The following STRN3 variants were observed in gnomAD, a reference collection of about 807,000 sequenced individuals.
STRN3 encodes striatin 3, also known as striatin-3.
Under a neutral mutation model 95.6 loss-of-function variants are expected in STRN3, and 29 were observed. That is an observed-to-expected ratio of 0.30 (90% CI 0.23 to 0.41). STRN3 has a LOEUF of 0.41. Ranked by LOEUF, STRN3 falls within the 10% of genes least tolerant of loss-of-function variation. The pLI is 1.00. For synonymous variants in STRN3, 331 were observed against 357.6 expected (o/e 0.93, Z 0.84); for missense variants, 890 against 972.1 (o/e 0.92, Z 1.12).
At chr14:31,001,459 C>T (rs1421625672) in intron 1 of STRN3, among the ~76,000 whole-genome samples, 1 of 151,726 alleles carries the variant, frequency 6.6e-6, no homozygotes, top group African/African-American at 2.4e-5. Context: ...TCACTTGAGC[C>T]CAGAAGATCA....
chr14:30,944,608 C>CAT lies in STRN3; in HGVS notation c.716+2480_716+2481dup, dbSNP rs1029178509. On this transcript the variant is annotated intron_variant, in intron 5 of 17. Transcript: ENST00000357479. ...ACACGCACATACATATATATATACA[C>CAT]ATATATATACACATTTTTTTTTTTT... is the stretch of plus-strand genomic sequence containing the variant. Among the ~76,000 whole-genome samples, 25 of 129,430 alleles carry CAT rather than the reference C, an allele frequency of 1.9e-4. 1 individual carries two copies. The South Asian group carries it at 6.1e-3, about 31-fold the overall frequency. The allele number at this position is 129,430 out of a possible 152,430, so 84.9% of individuals were successfully genotyped here.
chr14:30,962,400 A>G (rs1045590859), intron 1 of STRN3, among the ~76,000 whole-genome samples: 1 of 152,220 alleles, frequency 6.6e-6, no homozygotes, highest in Non-Finnish European at 1.5e-5. Flanking sequence ...CTAAGTATAC[A>G]GTGTTTATAC....
At chr14:30,958,790 C>T (rs1053321393) in intron 1 of STRN3, among the ~76,000 whole-genome samples, 1 of 152,104 alleles carries the variant, frequency 6.6e-6, no homozygotes, top group African/African-American at 2.4e-5. Context: ...AAAGACAACC[C>T]AGCAGCAGTA....
intron 1 of STRN3, among the ~76,000 whole-genome samples, chr14:30,995,823 C>T (rs188767272): frequency 6.6e-6 from 1 of 152,284 alleles, no homozygotes; most frequent in East Asian, 1.9e-4. Flanking sequence ...TGATGTGCTG[C>T]CCCATATCCC....
chr14:30,914,644 G>A (rs930060320), intron 9 of STRN3, among the ~76,000 whole-genome samples: 12 of 152,044 alleles, frequency 7.9e-5, no homozygotes, highest in East Asian at 5.8e-4. Context: ...GAGCCACCGC[G>A]CCCAGCCTGT....
chr14:30,944,535 ATAC>A (rs1162007524), intron 5 of STRN3, among the ~76,000 whole-genome samples: 2 of 135,500 alleles, frequency 1.5e-5, no homozygotes, highest in Non-Finnish European at 3.2e-5. Context: ...ACACATATAT[ATAC>A]ATGTATATAT....
intron 9 of STRN3, among the ~76,000 whole-genome samples, chr14:30,917,736 T>C (rs946481629): frequency 1.3e-5 from 2 of 151,998 alleles, no homozygotes; most frequent in Non-Finnish European, 2.9e-5. Flanking sequence ...GTGAAGTAAA[T>C]GGTAAATTAT....
In STRN3 at chr14:30,927,590, C is replaced by T. The variant is rs141298436; in HGVS notation, c.1099+1611G>A. Among the ~76,000 whole-genome samples the T allele has an allele frequency of 6.2e-3, 939 of 151,486 alleles. 5 individuals carry two copies. Among genetic ancestry groups the T allele is most frequent in the Non-Finnish European group, 0.011 (726 of 67,924 alleles). ...TGATACTATATATAAAATAAGCAAT[C>T]CACTAGTAAAATAAGCTACTTTATT... On this transcript the variant is annotated intron_variant, in intron 8 of 17. Transcript: ENST00000357479.
chr14:30,957,281 G>C (rs1231995330), intron 1 of STRN3, among the ~76,000 whole-genome samples: 1 of 152,008 alleles, frequency 6.6e-6, no homozygotes, highest in African/African-American at 2.4e-5. Flanking sequence ...GGTGAAACCC[G>C]TCTCTACTAA....
At chr14:31,021,204 T>A (rs2750115) in intron 1 of STRN3, among the ~76,000 whole-genome samples, 1 of 151,862 alleles carries the variant, frequency 6.6e-6, no homozygotes, top group East Asian at 1.9e-4. Flanking sequence ...TGTATTGAAT[T>A]TGAGGTAGAA....
Position 30,929,198 on chromosome 14 carries a change from T to TA in STRN3, c.1099+2dup. 1 of 1,603,032 alleles carries TA rather than the reference T, an allele frequency of 6.2e-7. No individual in the cohort carries two copies. Among genetic ancestry groups the TA allele is most frequent in the Non-Finnish European group, 8.5e-7 (1 of 1,175,350 alleles). On this transcript the variant is annotated splice_region_variant and intron_variant, in intron 8 of 17. Coordinates refer to ENST00000357479, the MANE Select transcript of STRN3 (RefSeq NM_001083893.2). ...AATTATAATAGTCAGAATCTGCACT[T>TA]ACTCTTCACCCCTTTCTTCCCCTTT...
At chr14:30,963,130 C>T (rs1421412381) in intron 1 of STRN3, among the ~76,000 whole-genome samples, 1 of 152,170 alleles carries the variant, frequency 6.6e-6, no homozygotes, top group Non-Finnish European at 1.5e-5. Flanking sequence ...AACACACACA[C>T]ACCTAGTAAC....
intron 1 of STRN3, among the ~76,000 whole-genome samples, chr14:30,958,221 G>A (rs1206990323): frequency 1.3e-5 from 2 of 152,150 alleles, no homozygotes; most frequent in Non-Finnish European, 2.9e-5. Context: ...GCTGAAGCAG[G>A]AGAACTGCTT....
At chr14:30,967,748 T>A (rs1429294612) in intron 1 of STRN3, among the ~76,000 whole-genome samples, 1 of 152,224 alleles carries the variant, frequency 6.6e-6, no homozygotes, top group Non-Finnish European at 1.5e-5. Flanking sequence ...AACTCAAAAA[T>A]CTTAAAATTA....
chr14:30,919,968 A>G (rs1896839930), intron 8 of STRN3, among the ~76,000 whole-genome samples: 1 of 152,206 alleles, frequency 6.6e-6, no homozygotes, highest in South Asian at 2.1e-4. Context: ...CTTTGAAAAG[A>G]CAATGCTTTA....
At chr14:30,936,705 A>C in intron 5 of STRN3, 81 bp from the exon 6 acceptor site, 14 of 1,504,334 alleles carry the variant, frequency 9.3e-6, no homozygotes, top group Non-Finnish European at 1.2e-5. Flanking sequence ...TTTTAAATCA[A>C]TTCTTAAAAC....
At chr14:31,011,439 C>T (rs927974904) in intron 1 of STRN3, among the ~76,000 whole-genome samples, 2 of 151,824 alleles carry the variant, frequency 1.3e-5, no homozygotes, top group African/African-American at 4.8e-5. Flanking sequence ...GACAGGAGTT[C>T]GAGACCAGCT....
chr14:30,998,900 G>C (rs2139283469), intron 1 of STRN3, among the ~76,000 whole-genome samples: 1 of 152,240 alleles, frequency 6.6e-6, no homozygotes, highest in African/African-American at 2.4e-5. Flanking sequence ...AAGCCCAGTA[G>C]TTCAAATCCA....
intron 1 of STRN3, among the ~76,000 whole-genome samples, chr14:30,971,491 AC>A (rs1880824593): frequency 6.6e-6 from 1 of 152,180 alleles, no homozygotes; most frequent in African/African-American, 2.4e-5. Context: ...ATCTATTACA[AC>A]CAACAGCGAT....
Sources: gnomAD v4.1 joint callset for allele counts (sites outside exome capture counted in the v4.1 genomes callset) on GRCh38, gnomAD v4.1.1 for gene constraint, MANE v1.5 for transcripts, NCBI Gene and HGNC (gene_info 2026-07-23, HGNC 2026-07-21) for gene names.